The following WAPL variants were observed in gnomAD, a reference collection of about 807,000 sequenced individuals.
WAPL encodes the protein WAPL cohesin release factor.
WAPL carries 5 observed loss-of-function variants against 121.0 expected under a neutral mutation model. The ratio of observed to expected loss-of-function variants is 0.04; its 90% CI spans 0.02 to 0.09. WAPL has a LOEUF of 0.09. Among genes scored for constraint, WAPL ranks in the 10% least tolerant of loss-of-function variants. The pLI, the probability that WAPL is intolerant of heterozygous loss-of-function variation, is 1.00. For missense variants in WAPL, 999 were observed against 1,410.8 expected, an observed-to-expected ratio of 0.71 and a Z score of 4.68; for synonymous variants, 480 against 481.5, an observed-to-expected ratio of 1.00 and a Z score of 0.04.
At chr10:86,486,679 G>A (rs1841936329) in intron 4 of WAPL, among the ~76,000 whole-genome samples, 1 of 152,184 alleles carries the variant, frequency 6.6e-6, no homozygotes, top group African/African-American at 2.4e-5. Context: ...GTATAGGCTG[G>A]GCATGATGGC....
At chr10:86,517,486 A>G (rs1842578922) in intron 2 of WAPL, 85 bp downstream of exon 2, 3 of 1,461,620 alleles carry the variant, frequency 2.1e-6, no homozygotes, top group Non-Finnish European at 2.7e-6. Flanking sequence ...AAGAAAACAC[A>G]ATATATATTT....
intron 4 of WAPL, among the ~76,000 whole-genome samples, chr10:86,481,629 TC>T (rs1337544461): frequency 6.6e-6 from 1 of 152,114 alleles, no homozygotes; most frequent in Non-Finnish European, 1.5e-5. Flanking sequence ...TGCTTTGGCA[TC>T]CCAAAGAGCT....
intron 2 of WAPL, among the ~76,000 whole-genome samples, chr10:86,502,741 G>C (rs1842269557): frequency 6.6e-6 from 1 of 152,128 alleles, no homozygotes; most frequent in Middle Eastern, 3.4e-3. Flanking sequence ...ACACAGATGA[G>C]AAAAAAAGGC....
rs568286806 is a variant in WAPL at position 86,492,777 on chromosome 10, C to T, written c.1644+4424G>A. On this transcript the variant is annotated intron_variant, in intron 4 of 18. Coordinates refer to ENST00000298767, the MANE Select transcript of WAPL (RefSeq NM_015045.5). ...CCTCTTAAAAAACCATCAGGGCCAT[C>T]CGGGCGCGGTGGCTCACACCTGTAA... 4.5e-4 allele frequency among the ~76,000 whole-genome samples: 69 copies of T among 152,256 alleles called. 1 individual carries two copies. The highest frequency in any genetic ancestry group is 1.2e-3 in the Admixed American group (19 of 15,288).
intron 4 of WAPL, among the ~76,000 whole-genome samples, chr10:86,479,341 T>C (rs907551734): frequency 1.8e-4 from 27 of 152,300 alleles, no homozygotes; most frequent in African/African-American, 6.3e-4. Context: ...CACTGTAACC[T>C]GCGCCTCCCG....
intron 1 of WAPL, among the ~76,000 whole-genome samples, chr10:86,520,342 C>A (rs1003572118): frequency 2.0e-5 from 3 of 152,160 alleles, no homozygotes; most frequent in East Asian, 3.8e-4. Context: ...CAAAAGACCA[C>A]GTCTTTTACA....
intron 3 of WAPL, among the ~76,000 whole-genome samples, chr10:86,497,801 A>G (rs570872350): frequency 6.6e-6 from 1 of 152,338 alleles, no homozygotes; most frequent in South Asian, 2.1e-4. Flanking sequence ...AACACCAGAA[A>G]AGGAGGACAG....
At chr10:86,489,682 A>AT (rs1472157530) in intron 4 of WAPL, among the ~76,000 whole-genome samples, 1 of 152,126 alleles carries the variant, frequency 6.6e-6, no homozygotes, top group African/African-American at 2.4e-5. Context: ...ACCAAGAATT[A>AT]TTCAGTCCAA....
chr10:86,450,567 G>C (rs1342728170), intron 15 of WAPL, among the ~76,000 whole-genome samples: 1 of 152,158 alleles, frequency 6.6e-6, no homozygotes, highest in East Asian at 1.9e-4. Flanking sequence ...AAAAATAAAT[G>C]TTGTCAATGG....
intron 15 of WAPL, among the ~76,000 whole-genome samples, chr10:86,447,107 G>C (rs915101630): frequency 1.3e-5 from 2 of 152,202 alleles, no homozygotes; most frequent in Non-Finnish European, 2.9e-5. Context: ...CTACTACTAA[G>C]GGGTCTGCTG....
At position 86,521,671 on chromosome 10, in the gene WAPL, G is replaced by A. The variant is rs1227760380; in HGVS notation, c.-329C>T. The A allele has an allele frequency of 1.1e-5, 5 of 463,446 alleles. No individual in the cohort carries two copies. The highest frequency in any genetic ancestry group is 6.2e-5 in the African/African-American group (3 of 48,436). The allele number at this position is 463,446 out of a possible 1,614,324, so 28.7% of individuals were successfully genotyped here. A position where few individuals can be genotyped will look rare whatever the true frequency, so the allele number is the denominator to read the frequency against. ...CCCCGCTGGGCCGCCGCCGCCTCCT[G>A]CGCCGCCGCTTCCGCCGGTGAATGG... On this transcript the variant is annotated 5_prime_UTR_variant, in exon 1 of 19. Transcript: ENST00000298767.
rs112141052 is a variant in WAPL at position 86,475,140 on chromosome 10, G to A, written c.1645-1167C>T. Among the ~76,000 whole-genome samples the A allele has an allele frequency of 1.6e-3, 248 of 152,224 alleles. 1 individual carries two copies. The highest frequency in any genetic ancestry group is 5.6e-3 in the African/African-American group (231 of 41,540). On this transcript the variant is annotated intron_variant, in intron 4 of 18. Coordinates refer to ENST00000298767, the MANE Select transcript of WAPL (RefSeq NM_015045.5). ...TTTTCAGTTTTAACACTGAATTTCCGAATTGAGAATAAATGACAGTAAACC... is the reference window on the plus strand; with the variant it reads ...TTTTCAGTTTTAACACTGAATTTCCAAATTGAGAATAAATGACAGTAAACC...
At position 86,499,822 on chromosome 10, in the gene WAPL, T is replaced by C. The variant is rs1173146706; in HGVS notation, c.1421A>G (p.Lys474Arg). Residue 474 changes from lysine to arginine, a missense_variant, in exon 3 of 19, where the codon AAG becomes AGG. Around this residue, in one of 7 missense-constraint regions of WAPL, gnomAD observed 531 missense variants for 563.1 expected, o/e 0.94. Coordinates refer to ENST00000298767, the MANE Select transcript of WAPL (RefSeq NM_015045.5). ...DEDDDCQVER[K>R]TSKKRTKTAP... is the part of the protein sequence containing the mutation. ...TGTTTTAGTTCTTTTTTTGCTTGTC[T>C]TTCTTTCTACTTGACAGTCATCATC... 10 of 1,613,624 alleles carry C rather than the reference T, an allele frequency of 6.2e-6. No homozygotes were observed. In the African/African-American group the frequency reaches 1.2e-4, roughly 19 times the overall value.
chr10:86,449,704 A>T (rs956758948), intron 15 of WAPL, among the ~76,000 whole-genome samples: 1 of 152,232 alleles, frequency 6.6e-6, no homozygotes, highest in African/African-American at 2.4e-5. Flanking sequence ...ACAGCTCCTG[A>T]GGCGACTGAC....
chr10:86,442,763 G>A (rs1291990277), intron 17 of WAPL, among the ~76,000 whole-genome samples: 1 of 152,100 alleles, frequency 6.6e-6, no homozygotes, highest in Non-Finnish European at 1.5e-5. Flanking sequence ...GAAATGGCCG[G>A]GCACGGTGGC....
intron 18 of WAPL, 52 bp downstream of exon 18, chr10:86,437,868 G>T: frequency 1.5e-6 from 2 of 1,369,910 alleles, no homozygotes; most frequent in South Asian, 1.2e-5. Flanking sequence ...TATGTCTACT[G>T]TCAATGTATT....
At chr10:86,459,106 C>A in intron 11 of WAPL, 41 bp from the exon 12 acceptor site, 1 of 1,518,044 alleles carries the variant, frequency 6.6e-7, no homozygotes, top group South Asian at 1.2e-5. Context: ...CAATCCAAAA[C>A]TTTCATTCAT....
chr10:86,470,729 T>C (rs1841516729), intron 8 of WAPL, among the ~76,000 whole-genome samples: 1 of 152,202 alleles, frequency 6.6e-6, no homozygotes, highest in African/African-American at 2.4e-5. Flanking sequence ...TCTGTATCAA[T>C]ATACTACATT....
At chr10:86,462,696 T>C (rs1841312121) in intron 9 of WAPL, among the ~76,000 whole-genome samples, 1 of 118,458 alleles carries the variant, frequency 8.4e-6, no homozygotes, top group Non-Finnish European at 1.6e-5. Context: ...CACTCCAACC[T>C]GGGCGACAGA....
Sources: allele counts gnomAD v4.1 joint callset (sites outside exome capture counted in the v4.1 genomes callset), GRCh38; gene constraint gnomAD v4.1.1; regional missense constraint gnomAD v4.1.1; transcripts MANE v1.5; gene names NCBI Gene and HGNC (gene_info 2026-07-23, HGNC 2026-07-21).